Variants in EIF4G3 observed in about 807,000 individuals in gnomAD.
EIF4G3 encodes eIF-4-gamma 3.
A neutral mutation model predicts 186.4 loss-of-function variants in EIF4G3; 34 were observed. The ratio of observed to expected loss-of-function variants is 0.18; its 90% CI spans 0.14 to 0.24. EIF4G3 has a LOEUF of 0.24. Ranked by LOEUF, EIF4G3 falls within the 10% of genes least tolerant of loss-of-function variation. The pLI, the probability that EIF4G3 is intolerant of heterozygous loss-of-function variation, is 1.00. For synonymous variants in EIF4G3, 673 were observed against 679.5 expected, an observed-to-expected ratio of 0.99 and a Z score of 0.15; for missense variants, 1,536 against 1,948.5, an observed-to-expected ratio of 0.79 and a Z score of 3.99.
intron 14 of EIF4G3, among the ~76,000 whole-genome samples, chr1:20,940,241 T>G (rs1221744202): frequency 6.6e-6 from 1 of 152,192 alleles, no homozygotes; most frequent in Non-Finnish European, 1.5e-5. Context: ...AAAACAGTGA[T>G]GGCACTATGA....
At chr1:21,128,702 T>C (rs1420775722) in intron 2 of EIF4G3, among the ~76,000 whole-genome samples, 1 of 152,168 alleles carries the variant, frequency 6.6e-6, no homozygotes, top group East Asian at 1.9e-4. Flanking sequence ...ATTTTCTCAA[T>C]GCCTTGATTT....
At chr1:20,857,175 A>AAAAAAAAAAAAAG in intron 25 of EIF4G3, among the ~76,000 whole-genome samples, 1 of 150,488 alleles carries the variant, frequency 6.6e-6, no homozygotes, top group South Asian at 2.1e-4. Context: ...AAAAAAAAAA[A>AAAAAAAAAAAAAG]AAAAGAAAAT....
intron 12 of EIF4G3, 114 bp downstream of exon 12, chr1:20,969,360 C>A: frequency 2.4e-6 from 3 of 1,256,392 alleles, no homozygotes; most frequent in Non-Finnish European, 3.3e-6. Flanking sequence ...ATATTCGAGG[C>A]TGCGAGACAA....
chr1:20,967,604 T>C (rs1304284557), intron 12 of EIF4G3, among the ~76,000 whole-genome samples: 2 of 152,176 alleles, frequency 1.3e-5, no homozygotes, highest in Non-Finnish European at 2.9e-5. Flanking sequence ...AAGACTGAGA[T>C]AAATGTCAGC....
At chr1:21,041,899 T>A (rs1272399845) in intron 4 of EIF4G3, among the ~76,000 whole-genome samples, 1 of 151,956 alleles carries the variant, frequency 6.6e-6, no homozygotes, top group Non-Finnish European at 1.5e-5. Flanking sequence ...TGACTAGACA[T>A]TAGAGGGAAA....
At chr1:20,983,838 G>A (rs1240000411) in intron 7 of EIF4G3, among the ~76,000 whole-genome samples, 2 of 152,206 alleles carry the variant, frequency 1.3e-5, no homozygotes, top group African/African-American at 4.8e-5. Flanking sequence ...GTGTTACGGG[G>A]TGGTAAGGAG....
intron 2 of EIF4G3, among the ~76,000 whole-genome samples, chr1:21,170,048 G>A (rs1027078365): frequency 1.3e-5 from 2 of 152,164 alleles, no homozygotes; most frequent in Admixed American, 6.5e-5. Flanking sequence ...GGTGGTGCAC[G>A]CCTGTAGTCC....
chr1:21,106,543 TAGA>T (rs2096621851), intron 2 of EIF4G3, among the ~76,000 whole-genome samples: 1 of 151,884 alleles, frequency 6.6e-6, no homozygotes, highest in Non-Finnish European at 1.5e-5. Context: ...CAAGTTGAAA[TAGA>T]AGTAGAAAGG....
intron 2 of EIF4G3, among the ~76,000 whole-genome samples, chr1:21,154,476 T>A (rs1443963851): frequency 6.6e-6 from 1 of 152,236 alleles, no homozygotes; most frequent in African/African-American, 2.4e-5. Flanking sequence ...ATTTTCAACT[T>A]AGTTTTCCTT....
At chr1:20,853,468 T>A in intron 27 of EIF4G3, 92 bp downstream of exon 27, 1 of 735,770 alleles carries the variant, frequency 1.4e-6, no homozygotes, top group Non-Finnish European at 2.4e-6. Flanking sequence ...AATGCATCCA[T>A]AAGGATTGCT....
intron 14 of EIF4G3, among the ~76,000 whole-genome samples, chr1:20,932,023 T>A (rs2095334909): frequency 6.6e-6 from 1 of 152,198 alleles, no homozygotes; most frequent in South Asian, 2.1e-4. Context: ...ATTGAAAATG[T>A]GTAATTTAGG....
intron 33 of EIF4G3, among the ~76,000 whole-genome samples, chr1:20,820,767 G>C (rs747471324): frequency 3.3e-5 from 5 of 152,150 alleles, no homozygotes; most frequent in Non-Finnish European, 7.4e-5. Flanking sequence ...ACCAGCTGCA[G>C]AGAAGAATGC....
rs149793769 is a variant in EIF4G3 at position 21,046,010 on chromosome 1, AAC to A, written c.-67+4854_-67+4855del. ...GGAACTTCCATAGGTTAAATTATAA[AAC>A]AGTGGTAGGAGGGTTGGAACTCTAA... On this transcript the variant is annotated intron_variant, in intron 4 of 36. Transcript: ENST00000602326. Among the ~76,000 whole-genome samples, 1,483 of 152,296 alleles carry A rather than the reference AAC, an allele frequency of 9.7e-3. 16 individuals carry two copies. Among genetic ancestry groups the A allele is most frequent in the Non-Finnish European group, 0.017 (1,158 of 68,020 alleles).
intron 29 of EIF4G3, among the ~76,000 whole-genome samples, chr1:20,845,819 C>CT (rs1262397233): frequency 6.6e-6 from 1 of 151,890 alleles, no homozygotes; most frequent in Non-Finnish European, 1.5e-5. Flanking sequence ...TTTTTAAATA[C>CT]TTTTTTCTAG....
chr1:20,903,595 T>C (rs1245253552), intron 15 of EIF4G3, among the ~76,000 whole-genome samples: 1 of 152,196 alleles, frequency 6.6e-6, no homozygotes, highest in African/African-American at 2.4e-5. Context: ...TTTGCACCTC[T>C]ATACCTTACT....
intron 2 of EIF4G3, among the ~76,000 whole-genome samples, chr1:21,110,695 T>C (rs1461880683): frequency 5.3e-5 from 8 of 151,946 alleles, no homozygotes; most frequent in Non-Finnish European, 7.4e-5. Context: ...CCTCCCAAAG[T>C]GCTTGGGATT....
chr1:21,156,793 G>A (rs1279594496), intron 2 of EIF4G3, among the ~76,000 whole-genome samples: 1 of 152,126 alleles, frequency 6.6e-6, no homozygotes, highest in African/African-American at 2.4e-5. Flanking sequence ...GGAAAAATTA[G>A]GCCGGGCACA....
At chr1:20,920,912 C>G (rs1449073289) in intron 14 of EIF4G3, among the ~76,000 whole-genome samples, 1 of 152,144 alleles carries the variant, frequency 6.6e-6, no homozygotes, top group Non-Finnish European at 1.5e-5. Context: ...ATATTATTTT[C>G]AAAACCTTTT....
intron 13 of EIF4G3, among the ~76,000 whole-genome samples, chr1:20,947,525 T>C (rs555330374): frequency 1.4e-4 from 21 of 148,380 alleles, no homozygotes; most frequent in African/African-American, 4.5e-4. Context: ...ACTGTTTGAC[T>C]AGCCAAGAAA....
Sources: allele counts gnomAD v4.1 joint callset (sites outside exome capture counted in the v4.1 genomes callset), GRCh38; gene constraint gnomAD v4.1.1; transcripts MANE v1.5; gene names NCBI Gene and HGNC (gene_info 2026-07-23, HGNC 2026-07-21).